Variants in BRINP2 observed in about 807,000 individuals in gnomAD.
BRINP2 encodes BMP/retinoic acid inducible neural specific 2, also known as BMP/retinoic acid-inducible neural-specific protein 2.
In BRINP2, 21 loss-of-function variants were observed where a neutral mutation model predicts 69.2. The observed-to-expected ratio is 0.30, with a 90% CI of 0.22 to 0.44. The LOEUF is 0.44. Among genes scored for constraint, BRINP2 ranks in the 20% least tolerant of loss-of-function variants. The probability of loss-of-function intolerance (pLI) is 1.00; values close to 1 mark genes in which losing one functional copy is unlikely to be tolerated. For missense variants in BRINP2, 877 were observed against 986.0 expected (o/e 0.89, Z 1.48); for synonymous variants, 380 against 394.1 (o/e 0.96, Z 0.42).
chr1:177,239,035 A>G (rs944684767), intron 2 of BRINP2, among the ~76,000 whole-genome samples: 1 of 152,220 alleles, frequency 6.6e-6, no homozygotes, highest in Non-Finnish European at 1.5e-5. Context: ...CTGTCCATTA[A>G]TGATAATTAT....
chr1:177,222,020 A>G (rs1157489403), intron 1 of BRINP2, among the ~76,000 whole-genome samples: 1 of 152,236 alleles, frequency 6.6e-6, no homozygotes, highest in African/African-American at 2.4e-5. Flanking sequence ...ACCCATCACT[A>G]CAGTCATCAG....
chr1:177,236,677 T>A (rs1650037330), intron 2 of BRINP2, among the ~76,000 whole-genome samples: 1 of 152,168 alleles, frequency 6.6e-6, no homozygotes, highest in Non-Finnish European at 1.5e-5. Context: ...CAAAAACCGA[T>A]GGATGACTGG....
intron 1 of BRINP2, among the ~76,000 whole-genome samples, chr1:177,212,952 G>A (rs186449410): frequency 1.3e-5 from 2 of 152,314 alleles, no homozygotes; most frequent in Admixed American, 6.5e-5. Flanking sequence ...TGGAAATAAA[G>A]TGCTTAGCAT....
chr1:177,216,229 C>T (rs573346326), intron 1 of BRINP2, among the ~76,000 whole-genome samples: 6 of 151,810 alleles, frequency 4.0e-5, no homozygotes, highest in African/African-American at 9.7e-5. Context: ...GATGGTTTTC[C>T]GTAGGGTATG....
chr1:177,264,720 T>G (rs1261125267), intron 4 of BRINP2, among the ~76,000 whole-genome samples: 1 of 152,062 alleles, frequency 6.6e-6, no homozygotes, highest in Non-Finnish European at 1.5e-5. Flanking sequence ...ACAAAGAGAA[T>G]AAAATACCTA....
At chr1:177,179,161 A>G (rs1366965888) in intron 1 of BRINP2, among the ~76,000 whole-genome samples, 1 of 152,192 alleles carries the variant, frequency 6.6e-6, no homozygotes, top group African/African-American at 2.4e-5. Flanking sequence ...ATAACAATAT[A>G]AACAAATAAA....
intron 2 of BRINP2, among the ~76,000 whole-genome samples, chr1:177,254,827 T>G (rs979999606): frequency 2.0e-5 from 3 of 152,204 alleles, no homozygotes; most frequent in Admixed American, 2.0e-4. Flanking sequence ...AACTTGACAT[T>G]TTCCTAATAT....
At position 177,230,095 on chromosome 1, in the gene BRINP2, C is replaced by G. The variant is rs745666848; in HGVS notation, c.219C>G (p.Asp73Glu). The G allele has an allele frequency of 6.2e-7, 1 of 1,613,402 alleles. No individual in the cohort carries two copies. The highest frequency in any genetic ancestry group is 1.1e-5 in the South Asian group (1 of 90,968). ...TCCACCGCGCTCAGGAGTATGCTGA[C>G]TTCATGGAGCGGTACCGCCAGGGTT... Reference protein sequence around the residue: ...GPFHRAQEYADFMERYRQGFT... With the variant: ...GPFHRAQEYAEFMERYRQGFT... The change falls in exon 2 of 8, where the codon GAC becomes GAG. Residue 73 changes from aspartate (D) to glutamate (E), a missense_variant. Asp to Glu is a conservative substitution (Grantham distance 45). This residue lies in a region of BRINP2 where 566 missense variants were observed against 625.2 expected (regional missense o/e 0.91). Coordinates refer to ENST00000361539, the MANE Select transcript of BRINP2 (RefSeq NM_021165.4).
At chr1:177,209,974 C>A (rs536038086) in intron 1 of BRINP2, among the ~76,000 whole-genome samples, 15 of 152,124 alleles carry the variant, frequency 9.9e-5, no homozygotes, top group Non-Finnish European at 1.9e-4. Flanking sequence ...ACTTTTCTTT[C>A]TTGAGAGCAT....
At chr1:177,262,289 G>A (rs1410129693) in intron 4 of BRINP2, among the ~76,000 whole-genome samples, 1 of 152,070 alleles carries the variant, frequency 6.6e-6, no homozygotes, top group East Asian at 1.9e-4. Flanking sequence ...CAAGGCGGGT[G>A]GATCACAAGG....
At chr1:177,208,245 C>T (rs555792928) in intron 1 of BRINP2, among the ~76,000 whole-genome samples, 1 of 152,184 alleles carries the variant, frequency 6.6e-6, no homozygotes, top group Non-Finnish European at 1.5e-5. Context: ...AGATGCCTCC[C>T]AGGCTTGGAG....
Position 177,278,793 on chromosome 1 carries a change from C to A in BRINP2, c.1235+8C>A, listed in dbSNP as rs753211644. 8 of 1,613,020 alleles carry A rather than the reference C, an allele frequency of 5.0e-6. No individual in the cohort carries two copies. The South Asian group carries it at 8.8e-5, about 18-fold the overall frequency. On this transcript the variant is annotated splice_region_variant and intron_variant, in intron 7 of 7. Coordinates refer to ENST00000361539, the MANE Select transcript of BRINP2 (RefSeq NM_021165.4). ...CCGCCTGCCCAAGGAGAGGTGAGCACCCCCTGGCTGCTACAGCCAGAGCTC... is the reference window on the plus strand; with the variant it reads ...CCGCCTGCCCAAGGAGAGGTGAGCAACCCCTGGCTGCTACAGCCAGAGCTC...
chr1:177,196,265 C>T (rs1353445023), intron 1 of BRINP2, among the ~76,000 whole-genome samples: 1 of 152,268 alleles, frequency 6.6e-6, no homozygotes, highest in African/African-American at 2.4e-5. Context: ...AGTGCTCAGG[C>T]CCTAGTTCCA....
At chr1:177,276,529 C>A in intron 6 of BRINP2, 95 bp downstream of exon 6, 1 of 1,135,760 alleles carries the variant, frequency 8.8e-7, no homozygotes, top group Non-Finnish European at 1.3e-6. Flanking sequence ...TGAGGATCCT[C>A]ATGGGGATCC....
intron 2 of BRINP2, among the ~76,000 whole-genome samples, chr1:177,247,672 G>A (rs1483447900): frequency 6.6e-6 from 1 of 152,142 alleles, no homozygotes; most frequent in Non-Finnish European, 1.5e-5. Flanking sequence ...AGATCAGGAG[G>A]GCCAAAGAAT....
chr1:177,185,998 C>T (rs1475131208), intron 1 of BRINP2, among the ~76,000 whole-genome samples: 1 of 152,214 alleles, frequency 6.6e-6, no homozygotes, highest in African/African-American at 2.4e-5. Flanking sequence ...ACTGCCTGAA[C>T]CTCTGAAAGA....
intron 1 of BRINP2, among the ~76,000 whole-genome samples, chr1:177,212,518 C>T (rs924655921): frequency 2.1e-4 from 32 of 151,386 alleles, no homozygotes; most frequent in African/African-American, 6.3e-4. Context: ...GCACTCCAGC[C>T]TGGGCGACAG....
chr1:177,241,467 T>G (rs1650203115), intron 2 of BRINP2, among the ~76,000 whole-genome samples: 2 of 152,198 alleles, frequency 1.3e-5, no homozygotes, highest in Admixed American at 1.3e-4. Flanking sequence ...CCTAGACTCG[T>G]TAGCGCTTTG....
chr1:177,209,906 A>G (rs1649177422), intron 1 of BRINP2, among the ~76,000 whole-genome samples: 1 of 152,346 alleles, frequency 6.6e-6, no homozygotes, highest in African/African-American at 2.4e-5. Context: ...AAAGAAGGTA[A>G]AGAGCATCCA....
Sources: gnomAD v4.1 joint callset for allele counts (sites outside exome capture counted in the v4.1 genomes callset) on GRCh38, gnomAD v4.1.1 for gene constraint, gnomAD v4.1.1 regional missense constraint, MANE v1.5 for transcripts, NCBI Gene and HGNC (gene_info 2026-07-23, HGNC 2026-07-21) for gene names.